The following DCDC2C variants were observed in gnomAD, a reference collection of about 807,000 sequenced individuals.
The protein encoded by DCDC2C is doublecortin domain containing 2C, also known as doublecortin domain-containing protein 2C.
In DCDC2C, 44 loss-of-function variants were observed where a neutral mutation model predicts 45.0. That is an observed-to-expected ratio of 0.98 (90% CI 0.77 to 1.26). DCDC2C has a LOEUF of 1.26. Among genes scored for constraint, DCDC2C ranks in the 50% most tolerant of loss-of-function variants. DCDC2C has a pLI of 0.00. For synonymous variants in DCDC2C, 187 were observed against 178.8 expected, an observed-to-expected ratio of 1.05 and a Z score of -0.37; for missense variants, 447 against 468.9, an observed-to-expected ratio of 0.95 and a Z score of 0.43.
chr2:3,735,363 A>G (rs920475420), intron 3 of DCDC2C, among the ~76,000 whole-genome samples: 2 of 151,884 alleles, frequency 1.3e-5, no homozygotes, highest in Non-Finnish European at 2.9e-5. Flanking sequence ...TGCTGCACCC[A>G]TTAACTCATC....
intron 10 of DCDC2C, among the ~76,000 whole-genome samples, chr2:3,838,479 A>AGAGAGAGAGAGAGAGAGAGACC (rs1672136847): frequency 6.6e-6 from 1 of 150,726 alleles, no homozygotes; most frequent in Admixed American, 6.6e-5. Flanking sequence ...AGAGAGAGAG[A>AGAGAGAGAGAGAGAGAGAGACC]GAGACCAAAC....
At chr2:3,832,015 G>T (rs967372715) in intron 10 of DCDC2C, among the ~76,000 whole-genome samples, 37 of 152,296 alleles carry the variant, frequency 2.4e-4, no homozygotes, top group Non-Finnish European at 1.5e-5. Context: ...CTGGCATGGC[G>T]AGGGGCTCTT....
chr2:3,786,233 G>T (rs1186242512), intron 10 of DCDC2C, among the ~76,000 whole-genome samples: 1 of 151,340 alleles, frequency 6.6e-6, no homozygotes, highest in Non-Finnish European at 1.5e-5. Context: ...TCTCGTGTGG[G>T]TGTGTCCCGC....
intron 2 of DCDC2C, among the ~76,000 whole-genome samples, chr2:3,726,800 G>A (rs116463952): frequency 0.043 from 6,483 of 151,740 alleles, 206 homozygotes; most frequent in Non-Finnish European, 0.066. Context: ...ACCCCCTCGC[G>A]CTGCACTTGC....
chr2:3,746,605 G>A (rs1435613187), intron 4 of DCDC2C, among the ~76,000 whole-genome samples: 1 of 152,208 alleles, frequency 6.6e-6, no homozygotes, highest in East Asian at 1.9e-4. Context: ...TGTCCGTTGA[G>A]TATATACTCT....
chr2:3,744,803 T>TGGCGACGA (rs1669314357), intron 4 of DCDC2C, among the ~76,000 whole-genome samples: 1 of 152,196 alleles, frequency 6.6e-6, no homozygotes, highest in Non-Finnish European at 1.5e-5. Context: ...CTCGTGGCAG[T>TGGCGACGA]GGCGACGAGC....
intron 10 of DCDC2C, among the ~76,000 whole-genome samples, chr2:3,830,669 G>C (rs1316608444): frequency 6.6e-6 from 1 of 152,160 alleles, no homozygotes; most frequent in African/African-American, 2.4e-5. Context: ...CAGGTTAAAG[G>C]GGAGCCATGG....
At chr2:3,737,911 C>T (rs1442569730) in intron 3 of DCDC2C, among the ~76,000 whole-genome samples, 1 of 152,120 alleles carries the variant, frequency 6.6e-6, no homozygotes, top group Non-Finnish European at 1.5e-5. Flanking sequence ...TAAGTAGCAA[C>T]ACAGGAAGAG....
chr2:3,725,494 A>AGTGAC (rs1558564581), intron 2 of DCDC2C, among the ~76,000 whole-genome samples: 11 of 97,636 alleles, frequency 1.1e-4, no homozygotes, highest in South Asian at 9.8e-4. Flanking sequence ...AGACGAGCAG[A>AGTGAC]GAGGGAGGAG....
In DCDC2C at chr2:3,787,183, T is replaced by A. The variant is rs559446295; in HGVS notation, c.1065+2083T>A. ...ATATCTGGTTTGAATGTCAAGTAAT[T>A]CTTTGGAGCATTTATCACTTGTTTG... On this transcript the variant is annotated intron_variant, in intron 10 of 10. Coordinates refer to ENST00000399143, the MANE Select transcript of DCDC2C (RefSeq NM_001287444.2). Among the ~76,000 whole-genome samples, 589 of 152,334 alleles carry A rather than the reference T, an allele frequency of 3.9e-3. 3 individuals carry two copies. Among genetic ancestry groups the A allele is most frequent in the Non-Finnish European group, 6.2e-3 (421 of 68,030 alleles).
intron 3 of DCDC2C, among the ~76,000 whole-genome samples, chr2:3,741,293 A>T (rs747414576): frequency 4.6e-5 from 7 of 152,234 alleles, no homozygotes; most frequent in Non-Finnish European, 1.0e-4. Context: ...GAAAACAGCT[A>T]CATTATTTAA....
At chr2:3,751,716 A>G (rs747503965) in intron 4 of DCDC2C, among the ~76,000 whole-genome samples, 2 of 151,966 alleles carry the variant, frequency 1.3e-5, no homozygotes, top group Admixed American at 6.6e-5. Context: ...CTGCTCCTGC[A>G]CTTCCTGCCC....
intron 10 of DCDC2C, among the ~76,000 whole-genome samples, chr2:3,816,157 T>A (rs1391257468): frequency 6.6e-6 from 1 of 152,170 alleles, no homozygotes; most frequent in Non-Finnish European, 1.5e-5. Flanking sequence ...GGAGCATTTG[T>A]CACATAGAAT....
intron 5 of DCDC2C, among the ~76,000 whole-genome samples, chr2:3,753,784 C>T (rs1050507989): frequency 2.0e-5 from 3 of 149,578 alleles, no homozygotes; most frequent in African/African-American, 4.8e-5. Context: ...TTCTGGTTCA[C>T]GTGCTGCTAG....
intron 10 of DCDC2C, among the ~76,000 whole-genome samples, chr2:3,801,458 A>G (rs1671110846): frequency 6.6e-6 from 1 of 152,264 alleles, no homozygotes; most frequent in South Asian, 2.1e-4. Context: ...TGTTTGAGAA[A>G]TTACAAGAGA....
In DCDC2C at chr2:3,734,763, T is replaced by C. The variant is rs546484164; in HGVS notation, c.417-7157T>C. On this transcript the variant is annotated intron_variant, in intron 3 of 10. Coordinates refer to ENST00000399143, the MANE Select transcript of DCDC2C (RefSeq NM_001287444.2). The surrounding 1 kb of genome is among the most constrained non-coding windows in gnomAD (Gnocchi z 4.2). ...CTCTCGCAATCCACGTTTTTATGTT[T>C]TGGGGAGAAGACTCCAAGACATGAT... 9.2e-5 allele frequency among the ~76,000 whole-genome samples: 14 copies of C among 152,178 alleles called. No homozygotes were observed. Among genetic ancestry groups the C allele is most frequent in the African/African-American group, 3.1e-4 (13 of 41,534 alleles).
intron 3 of DCDC2C, among the ~76,000 whole-genome samples, chr2:3,730,657 G>C (rs1558567792): frequency 6.6e-6 from 1 of 152,118 alleles, no homozygotes; most frequent in African/African-American, 2.4e-5. Flanking sequence ...CTGGTCAGCT[G>C]CTTAATTGAT....
chr2:3,803,256 G>A (rs1003905530), intron 10 of DCDC2C, among the ~76,000 whole-genome samples: 1 of 152,076 alleles, frequency 6.6e-6, no homozygotes, highest in Non-Finnish European at 1.5e-5. Flanking sequence ...TGTAACCTCT[G>A]GGTTTTTTTG....
At chr2:3,813,068 T>TA (rs1491343444) in intron 10 of DCDC2C, among the ~76,000 whole-genome samples, 2,211 of 51,286 alleles carry the variant, frequency 0.043, 26 homozygotes, top group Middle Eastern at 0.076. Flanking sequence ...TATATATATA[T>TA]TTTTTTTTTT....
Sources: gnomAD v4.1 joint callset for allele counts (sites outside exome capture counted in the v4.1 genomes callset) on GRCh38, gnomAD v4.1.1 for gene constraint, Gnocchi (gnomAD v3.1) non-coding constraint, MANE v1.5 for transcripts, NCBI Gene and HGNC (gene_info 2026-07-23, HGNC 2026-07-21) for gene names.